Variants in KDM4C observed in about 807,000 individuals in gnomAD.
The protein encoded by KDM4C is lysine demethylase 4C, also known as lysine-specific demethylase 4C.
KDM4C carries 81 observed loss-of-function variants against 129.3 expected under a neutral mutation model. The ratio of observed to expected loss-of-function variants is 0.63; its 90% CI spans 0.52 to 0.75. The LOEUF (loss-of-function observed/expected upper bound fraction) is 0.75. Among genes scored for constraint, KDM4C ranks in the 30% least tolerant of loss-of-function variants. The pLI is 0.00. For synonymous variants in KDM4C, 573 were observed against 456.1 expected, an observed-to-expected ratio of 1.26 and a Z score of -3.26; for missense variants, 1,457 against 1,304.0, an observed-to-expected ratio of 1.12 and a Z score of -1.81.
At chr9:6,764,932 T>C (rs933477262) in intron 1 of KDM4C, among the ~76,000 whole-genome samples, 1 of 152,200 alleles carries the variant, frequency 6.6e-6, no homozygotes, top group Non-Finnish European at 1.5e-5. Flanking sequence ...TGCTCACTCA[T>C]TTCATTATGA....
chr9:7,001,727 G>A (rs1820750710), intron 12 of KDM4C, among the ~76,000 whole-genome samples: 1 of 151,862 alleles, frequency 6.6e-6, no homozygotes, highest in Non-Finnish European at 1.5e-5. Flanking sequence ...GACCAAAGCT[G>A]ACATCTTTTT....
intron 4 of KDM4C, among the ~76,000 whole-genome samples, chr9:6,828,706 A>C (rs1209116265): frequency 6.6e-6 from 1 of 151,996 alleles, no homozygotes; most frequent in Non-Finnish European, 1.5e-5. Context: ...CCTCGTCTCT[A>C]CTAAAAAATA....
chr9:6,833,690 C>A (rs962027305), intron 4 of KDM4C, among the ~76,000 whole-genome samples: 3 of 152,242 alleles, frequency 2.0e-5, no homozygotes, highest in Non-Finnish European at 4.4e-5. Context: ...GGGCCTGCTC[C>A]CTGGTATGTA....
intron 8 of KDM4C, among the ~76,000 whole-genome samples, chr9:6,934,559 C>T (rs1252739008): frequency 2.0e-5 from 3 of 150,574 alleles, no homozygotes; most frequent in South Asian, 2.1e-4. Flanking sequence ...GATGGAGTCT[C>T]GCTCTGTCAC....
chr9:6,956,309 C>T lies in KDM4C; in HGVS notation c.922-24616C>T, dbSNP rs902334218. On this transcript the variant is annotated intron_variant, in intron 8 of 21. Transcript: ENST00000381309. The stretch of plus-strand genomic sequence containing the variant: ...TTGAGGGGATGGATACTCCATTCCC[C>T]ATGATGTGCTTATTTCACATTGCAT... 9.9e-5 allele frequency among the ~76,000 whole-genome samples: 15 copies of T among 152,108 alleles called. 1 individual carries two copies. The highest frequency in any genetic ancestry group is 8.5e-4 in the Admixed American group (13 of 15,270).
chr9:6,774,046 C>A (rs1413654678), intron 1 of KDM4C, among the ~76,000 whole-genome samples: 1 of 151,980 alleles, frequency 6.6e-6, no homozygotes, highest in Admixed American at 6.6e-5. Flanking sequence ...TGCCACTATA[C>A]CTGGTTAATT....
intron 1 of KDM4C, among the ~76,000 whole-genome samples, chr9:6,762,986 C>T (rs961210257): frequency 2.6e-5 from 4 of 151,914 alleles, no homozygotes; most frequent in African/African-American, 9.7e-5. Flanking sequence ...TACTCCCCGA[C>T]CCTCTAAAGA....
At chr9:6,768,110 T>C (rs959693778) in intron 1 of KDM4C, among the ~76,000 whole-genome samples, 3 of 152,158 alleles carry the variant, frequency 2.0e-5, no homozygotes, top group African/African-American at 7.2e-5. Context: ...TTAGGGAATA[T>C]GAACTTTTTC....
chr9:7,102,423 C>T (rs1369358334), intron 17 of KDM4C, among the ~76,000 whole-genome samples: 3 of 138,690 alleles, frequency 2.2e-5, no homozygotes, highest in Non-Finnish European at 3.0e-5. Flanking sequence ...TGTAAAGAAT[C>T]ACTCGGGCAG....
At chr9:6,988,939 C>A (rs1230175360) in intron 11 of KDM4C, among the ~76,000 whole-genome samples, 1 of 152,050 alleles carries the variant, frequency 6.6e-6, no homozygotes, top group Non-Finnish European at 1.5e-5. Flanking sequence ...ACATATTTAC[C>A]GAGTAGTATT....
At chr9:6,760,594 G>T (rs1043498122) in intron 1 of KDM4C, among the ~76,000 whole-genome samples, 6 of 148,530 alleles carry the variant, frequency 4.0e-5, no homozygotes, top group African/African-American at 1.5e-4. Context: ...TTTTTGAGAC[G>T]AAGTCTCACT....
intron 2 of KDM4C, among the ~76,000 whole-genome samples, chr9:6,802,461 G>C (rs1261349367): frequency 6.6e-6 from 1 of 152,086 alleles, no homozygotes; most frequent in African/African-American, 2.4e-5. Flanking sequence ...TAGAATATCT[G>C]TACAAAAATA....
intron 17 of KDM4C, among the ~76,000 whole-genome samples, chr9:7,075,484 G>C (rs1251863777): frequency 6.6e-6 from 1 of 152,100 alleles, no homozygotes; most frequent in African/African-American, 2.4e-5. Context: ...GAATAAGTTA[G>C]CTCCTGAGAG....
chr9:6,849,410 G>A lies in KDM4C; in HGVS notation c.436-97G>A, dbSNP rs1025772264. ...TTTTCAGTTAGTTAGAATATACAAT[G>A]TAATAATTTTGGTGGATAGTGGTTT... On this transcript the variant is annotated intron_variant, in intron 4 of 21. Transcript: ENST00000381309. 6 of 969,874 alleles carry A rather than the reference G, an allele frequency of 6.2e-6. No homozygotes were observed. The South Asian group carries it at 1.1e-4, about 18-fold the overall frequency. The allele number at this position is 969,874 out of a possible 1,614,324, so 60.1% of individuals were successfully genotyped here.
At chr9:6,894,498 A>G (rs989657789) in intron 8 of KDM4C, among the ~76,000 whole-genome samples, 1 of 152,210 alleles carries the variant, frequency 6.6e-6, no homozygotes, top group African/African-American at 2.4e-5. Context: ...CGAGGTTATA[A>G]CAAGGTCTGT....
intron 1 of KDM4C, among the ~76,000 whole-genome samples, chr9:6,730,663 G>T (rs1245043451): frequency 6.6e-6 from 1 of 151,802 alleles, no homozygotes; most frequent in Non-Finnish European, 1.5e-5. Context: ...AGCAATGAAT[G>T]ATTCATGAAT....
At chr9:7,139,739 C>CT (rs1299143322) in intron 19 of KDM4C, among the ~76,000 whole-genome samples, 12 of 152,054 alleles carry the variant, frequency 7.9e-5, no homozygotes, top group Non-Finnish European at 1.8e-4. Context: ...CTAGTAAAAC[C>CT]TTTTTTCTAT....
chr9:6,773,055 A>C (rs2130650329), intron 1 of KDM4C, among the ~76,000 whole-genome samples: 1 of 151,060 alleles, frequency 6.6e-6, no homozygotes, highest in Non-Finnish European at 1.5e-5. Flanking sequence ...GCTAGAGTGG[A>C]GTGGTGAGAT....
In KDM4C at chr9:6,813,076, G is replaced by A. The variant is rs935126254; in HGVS notation, c.321-1555G>A. 7.9e-5 allele frequency among the ~76,000 whole-genome samples: 12 copies of A among 152,234 alleles called. No homozygotes were observed. The East Asian group carries it at 2.3e-3, about 29-fold the overall frequency. ...TGTAATCCCAGCTACTGGGGAGGCT[G>A]AGGCAGGAGAATCCCTTGAACCTGG... On this transcript the variant is annotated intron_variant, in intron 3 of 21. Coordinates refer to ENST00000381309, the MANE Select transcript of KDM4C (RefSeq NM_015061.6).
Sources: gnomAD v4.1 joint callset for allele counts (sites outside exome capture counted in the v4.1 genomes callset) on GRCh38, gnomAD v4.1.1 for gene constraint, MANE v1.5 for transcripts, NCBI Gene and HGNC (gene_info 2026-07-23, HGNC 2026-07-21) for gene names.